Variants in N4BP2 observed in about 807,000 individuals in gnomAD.
The protein encoded by N4BP2 is NEDD4 binding protein 2.
N4BP2 carries 91 observed loss-of-function variants against 152.8 expected under a neutral mutation model. The ratio of observed to expected loss-of-function variants is 0.60; its 90% CI spans 0.50 to 0.71. The LOEUF (loss-of-function observed/expected upper bound fraction) is 0.71, where lower values mean the gene tolerates loss of function less well. Ranked by LOEUF, N4BP2 falls within the 30% of genes least tolerant of loss-of-function variation. The pLI is 0.00. For synonymous variants in N4BP2, 646 were observed against 705.3 expected, an observed-to-expected ratio of 0.92 and a Z score of 1.33; for missense variants, 1,923 against 2,059.1, an observed-to-expected ratio of 0.93 and a Z score of 1.28.
At chr4:40,063,460 A>T (rs1030994027) in intron 1 of N4BP2, among the ~76,000 whole-genome samples, 1 of 152,168 alleles carries the variant, frequency 6.6e-6, no homozygotes, top group African/African-American at 2.4e-5. Flanking sequence ...GTTTGAAGGG[A>T]TGAAGTACTA....
chr4:40,064,267 G>T (rs185040943), intron 1 of N4BP2, among the ~76,000 whole-genome samples: 1 of 152,192 alleles, frequency 6.6e-6, no homozygotes, highest in East Asian at 1.9e-4. Flanking sequence ...CTTATAACAA[G>T]TACTTATTTA....
intron 16 of N4BP2, 55 bp from the exon 17 acceptor site, chr4:40,152,725 C>T: frequency 1.3e-6 from 2 of 1,597,104 alleles, no homozygotes; most frequent in Middle Eastern, 1.7e-4. Flanking sequence ...TTTACGTTTT[C>T]TATTGAGAAT....
the N4BP2 span, among the ~76,000 whole-genome samples, chr4:40,168,298 T>C: frequency 1.3e-5 from 2 of 152,186 alleles, no homozygotes; most frequent in Admixed American, 1.3e-4. Flanking sequence ...CAGAATGGAT[T>C]AAAAACAAAC....
At chr4:40,107,367 C>T (rs899162615) in intron 5 of N4BP2, among the ~76,000 whole-genome samples, 1 of 151,492 alleles carries the variant, frequency 6.6e-6, no homozygotes, top group African/African-American at 2.4e-5. Context: ...TGAGCCACTG[C>T]GCCCAGTTAA....
chr4:40,060,132 G>A (rs1028535194), intron 1 of N4BP2, among the ~76,000 whole-genome samples: 1 of 149,052 alleles, frequency 6.7e-6, no homozygotes, highest in African/African-American at 2.5e-5. Flanking sequence ...CTGTGCCTGC[G>A]CCTTGGGAAG....
intron 1 of N4BP2, among the ~76,000 whole-genome samples, chr4:40,069,302 A>C (rs952680283): frequency 6.6e-6 from 1 of 151,466 alleles, no homozygotes; most frequent in African/African-American, 2.4e-5. Context: ...AGCTGGGCTT[A>C]GTTGTTCTTG....
intron 1 of N4BP2, among the ~76,000 whole-genome samples, chr4:40,064,977 C>T (rs1321412326): frequency 1.3e-5 from 2 of 151,816 alleles, no homozygotes; most frequent in Non-Finnish European, 2.9e-5. Flanking sequence ...ACCATGTTGC[C>T]CAGACTGGTC....
chr4:40,143,010 A>G (rs1720185137), intron 15 of N4BP2, 149 bp downstream of exon 15: 4 of 657,052 alleles, frequency 6.1e-6, no homozygotes, highest in Non-Finnish European at 1.0e-5. Flanking sequence ...ATCCTAAGAA[A>G]TGTATGGTTC....
At chr4:40,170,078 C>T in the N4BP2 span, among the ~76,000 whole-genome samples, 75 of 150,064 alleles carry the variant, frequency 5.0e-4, no homozygotes, top group Non-Finnish European at 1.0e-3. Flanking sequence ...AAAAGAGAAA[C>T]GTCTTATGAA....
chr4:40,181,156 GA>G, the N4BP2 span, among the ~76,000 whole-genome samples: 1 of 151,662 alleles, frequency 6.6e-6, no homozygotes, highest in African/African-American at 2.4e-5. Context: ...TCTCAAAAAA[GA>G]AAAAAATATA....
chr4:40,184,529 A>C, the N4BP2 span, among the ~76,000 whole-genome samples: 1 of 152,188 alleles, frequency 6.6e-6, no homozygotes, highest in Non-Finnish European at 1.5e-5. Flanking sequence ...ATCATTAAAA[A>C]TCTGCAGAGT....
the N4BP2 span, among the ~76,000 whole-genome samples, chr4:40,181,369 A>G: frequency 2.6e-5 from 4 of 152,220 alleles, no homozygotes; most frequent in African/African-American, 9.6e-5. Flanking sequence ...TTCTCAAAAC[A>G]TTTTCGATAC....
At chr4:40,151,216 G>A (rs1420606187) in intron 16 of N4BP2, among the ~76,000 whole-genome samples, 2 of 152,154 alleles carry the variant, frequency 1.3e-5, no homozygotes, top group Non-Finnish European at 2.9e-5. Context: ...AGTGATAAGG[G>A]GAGCCATAGT....
At chr4:40,165,643 T>C in the N4BP2 span, among the ~76,000 whole-genome samples, 3 of 152,168 alleles carry the variant, frequency 2.0e-5, no homozygotes, top group East Asian at 1.9e-4. Flanking sequence ...TCCACTGATA[T>C]ACTATACATC....
chr4:40,127,508 C>T (rs1718519140), intron 12 of N4BP2, among the ~76,000 whole-genome samples: 1 of 152,094 alleles, frequency 6.6e-6, no homozygotes, highest in African/African-American at 2.4e-5. Flanking sequence ...AACCACCATG[C>T]CCAGCCAGCT....
chr4:40,176,919 T>C, the N4BP2 span, among the ~76,000 whole-genome samples: 1 of 152,218 alleles, frequency 6.6e-6, no homozygotes, highest in African/African-American at 2.4e-5. Context: ...ATCCCTGTTT[T>C]CCCCCGCTTT....
In N4BP2 at chr4:40,077,293, G is replaced by A. The variant is rs185960286; in HGVS notation, c.-115+3742G>A. ...CTCCTGAGTAGTTGGGACTACAGGTGTGTACCACCATGCCTGGCTGTTTTT... is the reference window on the plus strand; with the variant it reads ...CTCCTGAGTAGTTGGGACTACAGGTATGTACCACCATGCCTGGCTGTTTTT... On this transcript the variant is annotated intron_variant, in intron 2 of 17. Transcript: ENST00000261435. 2.0e-5 allele frequency among the ~76,000 whole-genome samples: 3 copies of A among 151,240 alleles called. No individual in the cohort carries two copies. In the East Asian group the frequency reaches 5.9e-4, roughly 30 times the overall value.
chr4:40,116,881 A>G (rs1020215227), intron 7 of N4BP2, among the ~76,000 whole-genome samples: 37 of 152,172 alleles, frequency 2.4e-4, no homozygotes, highest in Non-Finnish European at 1.3e-4. Flanking sequence ...GTTGTTGAAG[A>G]TAACACTTCA....
chr4:40,078,930 T>C (rs928717389), intron 2 of N4BP2, among the ~76,000 whole-genome samples: 4 of 152,052 alleles, frequency 2.6e-5, no homozygotes, highest in Admixed American at 2.0e-4. Context: ...AAAAATGATA[T>C]GGTGCTTTTT....
Sources: gnomAD v4.1 joint callset for allele counts (sites outside exome capture counted in the v4.1 genomes callset) on GRCh38, gnomAD v4.1.1 for gene constraint, MANE v1.5 for transcripts, NCBI Gene and HGNC (gene_info 2026-07-23, HGNC 2026-07-21) for gene names.